ADAMTSL1: variants seen among roughly 807,000 people sequenced by gnomAD.
ADAMTSL1 encodes the protein ADAMTS-like protein 1.
Under a neutral mutation model 201.8 loss-of-function variants are expected in ADAMTSL1, and 126 were observed. The ratio of observed to expected loss-of-function variants is 0.62; its 90% CI spans 0.54 to 0.72. ADAMTSL1 has a LOEUF of 0.72. Among genes scored for constraint, ADAMTSL1 ranks in the 30% least tolerant of loss-of-function variants. The probability of loss-of-function intolerance (pLI) is 0.00; values close to 1 mark genes in which losing one functional copy is unlikely to be tolerated. For missense variants in ADAMTSL1, 2,679 were observed against 2,277.8 expected, an observed-to-expected ratio of 1.18 and a Z score of -3.59; for synonymous variants, 1,121 against 903.4, an observed-to-expected ratio of 1.24 and a Z score of -4.32.
chr9:18,024,238 AGT>A lies in ADAMTSL1; in HGVS notation c.87+117319_87+117320del, dbSNP rs530150578. Among the ~76,000 whole-genome samples the A allele has an allele frequency of 1.8e-4, 27 of 152,244 alleles. No individual in the cohort carries two copies. In the East Asian group the frequency reaches 5.2e-3, roughly 29 times the overall value. ...GTTTATATTAACATAAAAGGAAAAT[AGT>A]GTTTTATTTATTTATTATCTTTTTA... On this transcript the variant is annotated intron_variant, in intron 1 of 29. Coordinates refer to the ADAMTSL1 transcript ENST00000680146.
intron 4 of ADAMTSL1, among the ~76,000 whole-genome samples, chr9:18,609,367 A>T (rs1825232835): frequency 8.5e-6 from 1 of 117,410 alleles, no homozygotes; most frequent in South Asian, 2.2e-4. Context: ...ACCAGAGGTC[A>T]TTTCCCAAAG....
chr9:18,543,892 C>A (rs1212007021), intron 3 of ADAMTSL1, among the ~76,000 whole-genome samples: 2 of 152,060 alleles, frequency 1.3e-5, no homozygotes, highest in Non-Finnish European at 2.9e-5. Flanking sequence ...TTTTTTAATG[C>A]TTTTTCTGAC....
chr9:18,237,264 G>A (rs745437721), intron 2 of ADAMTSL1, among the ~76,000 whole-genome samples: 1 of 152,200 alleles, frequency 6.6e-6, no homozygotes, highest in Non-Finnish European at 1.5e-5. Context: ...ACCACTGTGT[G>A]TCTTGTAGTT....
chr9:17,997,001 C>A (rs963614078), intron 1 of ADAMTSL1, among the ~76,000 whole-genome samples: 19 of 152,110 alleles, frequency 1.2e-4, no homozygotes, highest in Admixed American at 3.3e-4. Flanking sequence ...CAGATAAGAA[C>A]CTACGTAAGC....
intron 23 of ADAMTSL1, among the ~76,000 whole-genome samples, chr9:18,856,452 TAAG>T (rs1226950361): frequency 5.7e-5 from 8 of 139,820 alleles, no homozygotes; most frequent in Non-Finnish European, 1.1e-4. Context: ...TGCCAAATGA[TAAG>T]AAGGATTTTT....
intron 2 of ADAMTSL1, among the ~76,000 whole-genome samples, chr9:18,244,694 A>C (rs1249567733): frequency 1.3e-5 from 2 of 152,048 alleles, no homozygotes; most frequent in African/African-American, 4.8e-5. Flanking sequence ...GGTACATTCC[A>C]ATTTTCTGAT....
At chr9:18,434,000 T>A (rs1819611638) in intron 2 of ADAMTSL1, among the ~76,000 whole-genome samples, 1 of 152,240 alleles carries the variant, frequency 6.6e-6, no homozygotes, top group African/African-American at 2.4e-5. Context: ...TTCACACAGG[T>A]AGGTTATCAT....
chr9:18,016,916 A>G (rs1231471296), intron 1 of ADAMTSL1, among the ~76,000 whole-genome samples: 2 of 152,064 alleles, frequency 1.3e-5, no homozygotes, highest in Non-Finnish European at 2.9e-5. Context: ...TGTGAATTAA[A>G]TATGAAAAAA....
chr9:18,131,519 C>G (rs943425650), intron 1 of ADAMTSL1, among the ~76,000 whole-genome samples: 16 of 152,122 alleles, frequency 1.1e-4, no homozygotes, highest in African/African-American at 3.6e-4. Context: ...TAATAGAAAT[C>G]AAAGAGGAGT....
rs376221626 is a variant in ADAMTSL1 at position 18,889,599 on chromosome 9, C to T, written c.4494C>T (p.Thr1498=). Residue 1498 remains threonine, a synonymous_variant, in exon 25 of 29, where the codon ACC becomes ACT. Transcript: ENST00000380548. ...GGTGGTCTGTGGACAGACTGGCAACCTGCTCAGCCTCCTGTGGTAACCGGG... is the reference window on the plus strand; with the variant it reads ...GGTGGTCTGTGGACAGACTGGCAACTTGCTCAGCCTCCTGTGGTAACCGGG... The part of the protein sequence containing the change: ...DYWWSVDRLA[T]CSASCGNRGV... The T allele has an allele frequency of 2.5e-6, 4 of 1,613,794 alleles. No homozygotes were observed. Among genetic ancestry groups the T allele is most frequent in the Non-Finnish European group, 3.4e-6 (4 of 1,179,858 alleles).
intron 2 of ADAMTSL1, among the ~76,000 whole-genome samples, chr9:18,195,112 A>C (rs1829123322): frequency 6.6e-6 from 1 of 152,124 alleles, no homozygotes; most frequent in South Asian, 2.1e-4. Context: ...GCACTCAATA[A>C]ATGTTGGCTG....
intron 2 of ADAMTSL1, among the ~76,000 whole-genome samples, chr9:18,525,961 C>T (rs937113172): frequency 1.9e-4 from 29 of 152,130 alleles, no homozygotes; most frequent in African/African-American, 7.0e-4. Context: ...CTATTAGATC[C>T]ACTTGGTACA....
chr9:18,538,935 G>C (rs528503682), intron 3 of ADAMTSL1, among the ~76,000 whole-genome samples: 8 of 152,250 alleles, frequency 5.3e-5, no homozygotes, highest in African/African-American at 1.9e-4. Flanking sequence ...ACAACATTCA[G>C]ACCAGAGAAA....
intron 2 of ADAMTSL1, among the ~76,000 whole-genome samples, chr9:18,204,894 A>G (rs1347819363): frequency 6.6e-6 from 1 of 152,158 alleles, no homozygotes; most frequent in Non-Finnish European, 1.5e-5. Flanking sequence ...TTGTTCATTT[A>G]TATCCACTGT....
At chr9:18,159,471 C>A (rs1393612598) in intron 1 of ADAMTSL1, among the ~76,000 whole-genome samples, 2 of 152,012 alleles carry the variant, frequency 1.3e-5, no homozygotes, top group East Asian at 1.9e-4. Flanking sequence ...GGCTGCCTCT[C>A]CCAGAGTTGT....
At chr9:18,209,308 A>G (rs1279294221) in intron 2 of ADAMTSL1, among the ~76,000 whole-genome samples, 3 of 152,192 alleles carry the variant, frequency 2.0e-5, no homozygotes, top group Non-Finnish European at 4.4e-5. Context: ...TTATGTCATC[A>G]TTAGAACCTT....
chr9:18,435,111 A>G (rs1380082960), intron 2 of ADAMTSL1, among the ~76,000 whole-genome samples: 2 of 152,232 alleles, frequency 1.3e-5, no homozygotes, highest in Non-Finnish European at 2.9e-5. Flanking sequence ...AGTCTGCTCT[A>G]GGATTATACA....
At chr9:18,846,598 A>G (rs1417019210) in intron 23 of ADAMTSL1, among the ~76,000 whole-genome samples, 1 of 152,132 alleles carries the variant, frequency 6.6e-6, no homozygotes, top group Non-Finnish European at 1.5e-5. Flanking sequence ...AAAACAAGAG[A>G]GAGAGGTTGT....
intron 23 of ADAMTSL1, among the ~76,000 whole-genome samples, chr9:18,876,382 T>G (rs1828159417): frequency 6.6e-6 from 1 of 151,084 alleles, no homozygotes; most frequent in Non-Finnish European, 1.5e-5. Flanking sequence ...AGTTCTATTT[T>G]GGTGTATTTT....
Sources: allele counts gnomAD v4.1 joint callset (sites outside exome capture counted in the v4.1 genomes callset), GRCh38; gene constraint gnomAD v4.1.1; transcripts MANE v1.5; gene names NCBI Gene and HGNC (gene_info 2026-07-23, HGNC 2026-07-21).